The following KAZN variants were observed in gnomAD, a reference collection of about 807,000 sequenced individuals.
KAZN encodes kazrin.
A neutral mutation model predicts 87.4 loss-of-function variants in KAZN; 40 were observed. The ratio of observed to expected loss-of-function variants is 0.46; its 90% CI spans 0.36 to 0.60. KAZN has a LOEUF of 0.60. Among genes scored for constraint, KAZN ranks in the 20% least tolerant of loss-of-function variants. The pLI is 0.00. For missense variants in KAZN, 898 were observed against 1,073.9 expected, an observed-to-expected ratio of 0.84 and a Z score of 2.29; for synonymous variants, 466 against 458.3, an observed-to-expected ratio of 1.02 and a Z score of -0.22.
chr1:14,377,194 C>T lies in KAZN; in HGVS notation c.249+196602C>T, dbSNP rs530937367. ...GCTGCTCAGTATAATATAGACATTA[C>T]AAAATAACATGAGGGCAGGAATCAA... On this transcript the variant is annotated intron_variant, in intron 2 of 16. Coordinates refer to the KAZN transcript ENST00000636203. Among the ~76,000 whole-genome samples, 64 of 152,312 alleles carry T rather than the reference C, an allele frequency of 4.2e-4. 1 individual carries two copies. In the South Asian group the frequency reaches 0.012, roughly 29 times the overall value.
chr1:14,744,855 A>G (rs1644216730), intron 1 of KAZN, among the ~76,000 whole-genome samples: 1 of 152,182 alleles, frequency 6.6e-6, no homozygotes, highest in Non-Finnish European at 1.5e-5. Context: ...ATCAAGCAAA[A>G]GAGGAATATC....
At chr1:14,976,782 G>C (rs112888238) in intron 2 of KAZN, among the ~76,000 whole-genome samples, 37 of 152,232 alleles carry the variant, frequency 2.4e-4, no homozygotes, top group African/African-American at 8.9e-4. Flanking sequence ...GGCAGGGCGC[G>C]GTGGCTCACG....
chr1:14,497,770 A>G (rs1007174504), intron 2 of KAZN, among the ~76,000 whole-genome samples: 5 of 152,058 alleles, frequency 3.3e-5, no homozygotes, highest in African/African-American at 1.2e-4. Context: ...CAACATATTG[A>G]CTATTGCTTG....
At chr1:14,722,929 T>C (rs895877009) in intron 1 of KAZN, among the ~76,000 whole-genome samples, 5 of 152,152 alleles carry the variant, frequency 3.3e-5, no homozygotes, top group Non-Finnish European at 2.9e-5. Flanking sequence ...GAGACCAGCC[T>C]GGGCAACACA....
intron 2 of KAZN, among the ~76,000 whole-genome samples, chr1:14,435,905 A>T (rs1164982006): frequency 1.3e-5 from 2 of 152,186 alleles, no homozygotes; most frequent in East Asian, 3.9e-4. Flanking sequence ...GATATGGGTG[A>T]CTCTATGTGG....
chr1:14,113,797 A>G (rs12026570), intron 1 of KAZN, among the ~76,000 whole-genome samples: 41,494 of 151,916 alleles, frequency 0.27, 5,954 homozygotes, highest in East Asian at 0.55. Context: ...ATGAGGATTT[A>G]CATGAAGACT....
intron 1 of KAZN, among the ~76,000 whole-genome samples, chr1:14,142,108 CTTTTTTTT>C (rs35138469): frequency 7.8e-6 from 1 of 128,970 alleles, no homozygotes; most frequent in African/African-American, 2.9e-5. Flanking sequence ...CCCTCCTTCC[CTTTTTTTT>C]TTTTTTTTTG....
At chr1:14,543,251 C>T (rs1385226535) in intron 2 of KAZN, among the ~76,000 whole-genome samples, 2 of 152,154 alleles carry the variant, frequency 1.3e-5, no homozygotes, top group African/African-American at 4.8e-5. Context: ...GTTCAAGATA[C>T]GTGGTTGGCT....
chr1:14,636,712 C>T (rs74061203), intron 1 of KAZN, among the ~76,000 whole-genome samples: 4,005 of 152,228 alleles, frequency 0.026, 193 homozygotes, highest in African/African-American at 0.092. Context: ...TGCAAGGAGG[C>T]GAGTTCTTTC....
chr1:13,944,033 G>A (rs925658887), intron 1 of KAZN, among the ~76,000 whole-genome samples: 1 of 152,302 alleles, frequency 6.6e-6, no homozygotes, highest in South Asian at 2.1e-4. Context: ...ATCTACCCAA[G>A]AGGAATGAAA....
chr1:14,543,487 T>C (rs1054246562), intron 2 of KAZN, among the ~76,000 whole-genome samples: 1 of 152,212 alleles, frequency 6.6e-6, no homozygotes, highest in Non-Finnish European at 1.5e-5. Flanking sequence ...AGTGCAGCAA[T>C]GCCTGTCCAT....
intron 1 of KAZN, among the ~76,000 whole-genome samples, chr1:14,612,075 G>T (rs531267323): frequency 6.6e-6 from 1 of 152,156 alleles, no homozygotes; most frequent in African/African-American, 2.4e-5. Context: ...ATTTGTATCT[G>T]ACCCAGCTCG....
chr1:14,862,761 T>C (rs1013496360), intron 1 of KAZN, among the ~76,000 whole-genome samples: 2 of 152,188 alleles, frequency 1.3e-5, no homozygotes, highest in Non-Finnish European at 2.9e-5. Context: ...AAGTTCTTCA[T>C]ATATATTCGG....
intron 1 of KAZN, among the ~76,000 whole-genome samples, chr1:14,109,427 C>CTG (rs1644450416): frequency 6.6e-6 from 1 of 152,038 alleles, no homozygotes; most frequent in African/African-American, 2.4e-5. Context: ...TATCTGATGG[C>CTG]TGTGTGTGTG....
In KAZN at chr1:13,993,804, A is replaced by G. The variant is rs75372530; in HGVS notation, c.91+100048A>G. On this transcript the variant is annotated intron_variant, in intron 1 of 16. Coordinates refer to the KAZN transcript ENST00000636203. ...GAGGGTCAGGGGTGGGCATGGGGCC[A>G]CCTCAGAGTAGTTTGACTTCTCAAG... Among the ~76,000 whole-genome samples, 1,235 of 152,324 alleles carry G rather than the reference A, an allele frequency of 8.1e-3. 84 individuals carry two copies. The East Asian group carries it at 0.14, about 18-fold the overall frequency.
intron 1 of KAZN, among the ~76,000 whole-genome samples, chr1:14,031,345 A>G (rs1216051320): frequency 1.3e-5 from 2 of 152,192 alleles, no homozygotes; most frequent in East Asian, 3.8e-4. Flanking sequence ...TTCCCATGTC[A>G]TAAGGATTCA....
chr1:14,352,206 T>C (rs1411650190), intron 2 of KAZN, among the ~76,000 whole-genome samples: 4 of 152,186 alleles, frequency 2.6e-5, no homozygotes, highest in African/African-American at 9.7e-5. Flanking sequence ...CACATCTATC[T>C]ACATACATGG....
intron 1 of KAZN, among the ~76,000 whole-genome samples, chr1:14,894,969 A>G (rs1189423530): frequency 6.6e-6 from 1 of 152,238 alleles, no homozygotes; most frequent in Non-Finnish European, 1.5e-5. Flanking sequence ...GGGCATACTT[A>G]GCCATTTGGC....
chr1:13,981,089 T>TTATATATATATATATATACATA (rs1638649472), intron 1 of KAZN, among the ~76,000 whole-genome samples: 1 of 63,134 alleles, frequency 1.6e-5, no homozygotes, highest in African/African-American at 5.8e-5. Flanking sequence ...AAATTACTCT[T>TTATATATATATATATATACATA]TATATATATA....
Sources: gnomAD v4.1 joint callset for allele counts (sites outside exome capture counted in the v4.1 genomes callset) on GRCh38, gnomAD v4.1.1 for gene constraint, MANE v1.5 for transcripts, NCBI Gene and HGNC (gene_info 2026-07-23, HGNC 2026-07-21) for gene names.